Variants in BARD1 observed in about 807,000 individuals in gnomAD.
BARD1 encodes the protein BRCA1-associated RING domain protein 1.
In BARD1, 73 loss-of-function variants were observed where a neutral mutation model predicts 77.0. The observed-to-expected ratio is 0.95, with a 90% CI of 0.79 to 1.15. The LOEUF (loss-of-function observed/expected upper bound fraction) is 1.15. Ranked by LOEUF, BARD1 falls within the 50% of genes most tolerant of loss-of-function variation. The probability of loss-of-function intolerance (pLI) is 0.00; values close to 1 mark genes in which losing one functional copy is unlikely to be tolerated. For synonymous variants in BARD1, 384 were observed against 338.0 expected, an observed-to-expected ratio of 1.14 and a Z score of -1.49; for missense variants, 993 against 938.8, an observed-to-expected ratio of 1.06 and a Z score of -0.75.
At chr2:214,784,075 C>T (rs978404083) in intron 3 of BARD1, among the ~76,000 whole-genome samples, 3 of 152,074 alleles carry the variant, frequency 2.0e-5, no homozygotes, top group Admixed American at 6.5e-5. Flanking sequence ...GCAAAAGAAA[C>T]TATCATCAGA....
chr2:214,758,530 G>A (rs781270623), intron 6 of BARD1, among the ~76,000 whole-genome samples: 1 of 152,070 alleles, frequency 6.6e-6, no homozygotes, highest in Non-Finnish European at 1.5e-5. Flanking sequence ...ATGATAATCT[G>A]GAAGTTTACT....
intron 7 of BARD1, among the ~76,000 whole-genome samples, chr2:214,749,461 C>T (rs1229039603): frequency 2.0e-5 from 3 of 152,182 alleles, no homozygotes; most frequent in Non-Finnish European, 4.4e-5. Flanking sequence ...GCCATGTCTA[C>T]ATGACATGCC....
At chr2:214,731,036 C>A (rs56894367) in intron 9 of BARD1, 3 of 373,284 alleles carry the variant, frequency 8.0e-6, no homozygotes, top group African/African-American at 2.1e-5. Flanking sequence ...GGTTCAACAG[C>A]GCTTCCTAAA....
At chr2:214,761,553 A>C (rs1357369290) in intron 6 of BARD1, among the ~76,000 whole-genome samples, 2 of 152,092 alleles carry the variant, frequency 1.3e-5, no homozygotes, top group African/African-American at 4.8e-5. Flanking sequence ...AAAAAGCATA[A>C]GCTTTGGGAG....
rs1445844416 is a variant in BARD1 at position 214,780,903 on chromosome 2, T to C, written c.971A>G (p.His324Arg). ...AATGGGACTGGAAAGTCTATTGTGA[T>C]GGCCACGTTTTCCATTATTTTCTAA... ...LPLENNGKRGHHNRLSSPISK... is the reference protein window; with the variant it reads ...LPLENNGKRGRHNRLSSPISK... Residue 324 changes from histidine to arginine, a missense_variant, in exon 4 of 11, where the codon CAT becomes CGT. By Grantham distance (29) the His-to-Arg change is conservative. Transcript: ENST00000260947. 6.2e-7 allele frequency: 1 copy of C among 1,614,126 alleles called. No homozygotes were observed. The highest frequency in any genetic ancestry group is 8.5e-7 in the Non-Finnish European group (1 of 1,179,988).
intron 9 of BARD1, among the ~76,000 whole-genome samples, chr2:214,738,891 T>C (rs562105020): frequency 5.4e-4 from 82 of 152,218 alleles, no homozygotes; most frequent in South Asian, 4.8e-3. Flanking sequence ...GCACTTGTAA[T>C]GCTAGCACTC....
chr2:214,760,978 G>A (rs1693934477), intron 6 of BARD1, among the ~76,000 whole-genome samples: 2 of 150,650 alleles, frequency 1.3e-5, no homozygotes. Flanking sequence ...GTTTCACCGT[G>A]TTAGCCAGAA....
chr2:214,759,467 A>C (rs914574930), intron 6 of BARD1, among the ~76,000 whole-genome samples: 1 of 152,134 alleles, frequency 6.6e-6, no homozygotes, highest in Non-Finnish European at 1.5e-5. Flanking sequence ...CAAAGATTAT[A>C]AATCTTTTTT....
chr2:214,771,217 G>A (rs550095952), intron 4 of BARD1, among the ~76,000 whole-genome samples: 1 of 152,112 alleles, frequency 6.6e-6, no homozygotes, highest in Non-Finnish European at 1.5e-5. Flanking sequence ...ATCTAGCAGA[G>A]CATACTCTCA....
chr2:214,767,699 G>C, intron 5 of BARD1, 45 bp from the exon 6 acceptor site: 1 of 1,538,508 alleles, frequency 6.5e-7, no homozygotes, highest in Middle Eastern at 1.7e-4. Flanking sequence ...TGATAAGAAA[G>C]AGCAATGGAT....
intron 4 of BARD1, among the ~76,000 whole-genome samples, chr2:214,772,700 C>G (rs1694561809): frequency 6.6e-6 from 1 of 152,122 alleles, no homozygotes; most frequent in Non-Finnish European, 1.5e-5. Flanking sequence ...CTTTTTATAA[C>G]CAATCTGCTT....
At chr2:214,802,407 T>C (rs1377226855) in intron 1 of BARD1, among the ~76,000 whole-genome samples, 1 of 152,216 alleles carries the variant, frequency 6.6e-6, no homozygotes, top group Non-Finnish European at 1.5e-5. Flanking sequence ...GTAGGGTATG[T>C]ATATTAAATA....
intron 2 of BARD1, among the ~76,000 whole-genome samples, chr2:214,795,359 A>G (rs889652138): frequency 9.8e-5 from 15 of 152,318 alleles, no homozygotes; most frequent in African/African-American, 2.9e-4. Context: ...GTGCTGGAAC[A>G]GTGTGAGCCA....
chr2:214,732,357 T>C (rs1559375877), intron 9 of BARD1, among the ~76,000 whole-genome samples: 1 of 152,152 alleles, frequency 6.6e-6, no homozygotes, highest in Non-Finnish European at 1.5e-5. Flanking sequence ...TTCAGTTGTG[T>C]ATGAGTAAAA....
At chr2:214,760,955 T>C (rs1345279902) in intron 6 of BARD1, among the ~76,000 whole-genome samples, 2 of 151,512 alleles carry the variant, frequency 1.3e-5, no homozygotes, top group Non-Finnish European at 2.9e-5. Flanking sequence ...TTTGTATTTT[T>C]AGTAGAGACG....
chr2:214,750,293 C>G (rs181020454), intron 7 of BARD1, among the ~76,000 whole-genome samples: 1 of 152,174 alleles, frequency 6.6e-6, no homozygotes, highest in African/African-American at 2.4e-5. Context: ...TCCCAGCTAG[C>G]CTGCAGACAG....
intron 1 of BARD1, 145 bp downstream of exon 1, chr2:214,809,267 T>TC: frequency 8.9e-7 from 1 of 1,122,352 alleles, no homozygotes; most frequent in South Asian, 1.5e-5. Context: ...TAATACTATA[T>TC]CCCCCGGCAG....
chr2:214,745,896 C>G, intron 7 of BARD1, 42 bp from the exon 8 acceptor site: 1 of 1,608,096 alleles, frequency 6.2e-7, no homozygotes, highest in Non-Finnish European at 8.5e-7. Flanking sequence ...AAACATTAGA[C>G]GACTAGACAA....
intron 8 of BARD1, 84 bp downstream of exon 8, chr2:214,745,638 T>G: frequency 2.0e-6 from 3 of 1,526,558 alleles, no homozygotes; most frequent in Non-Finnish European, 2.7e-6. Context: ...TTAAAACATA[T>G]GTAAATTATC....
Sources: allele counts gnomAD v4.1 joint callset (sites outside exome capture counted in the v4.1 genomes callset), GRCh38; gene constraint gnomAD v4.1.1; transcripts MANE v1.5; gene names NCBI Gene and HGNC (gene_info 2026-07-23, HGNC 2026-07-21).